The following PACSIN1 variants were observed in gnomAD, a reference collection of about 807,000 sequenced individuals.
PACSIN1 encodes the protein protein kinase C and casein kinase substrate in neurons protein 1.
PACSIN1 carries 15 observed loss-of-function variants against 59.5 expected under a neutral mutation model. That is an observed-to-expected ratio of 0.25 (90% CI 0.17 to 0.39). The LOEUF is 0.39. Ranked by LOEUF, PACSIN1 falls within the 10% of genes least tolerant of loss-of-function variation. PACSIN1 has a pLI of 1.00. For synonymous variants in PACSIN1, 210 were observed against 220.6 expected (o/e 0.95, Z 0.42); for missense variants, 420 against 580.2 (o/e 0.72, Z 2.84).
At chr6:34,481,222 C>G (rs1419241854) in intron 1 of PACSIN1, among the ~76,000 whole-genome samples, 1 of 151,734 alleles carries the variant, frequency 6.6e-6, no homozygotes, top group Non-Finnish European at 1.5e-5. Flanking sequence ...ATTTTTGTTT[C>G]TTTAGTATCT....
Position 34,526,371 on chromosome 6 carries a change from G to A in PACSIN1, c.63+3G>A, listed in dbSNP as rs1237523882. Reference sequence around the variant, plus strand: ...AGACCACCGACAGCTTCTGGGAGGTGAGGCTCTCATGATCCCCAGGTTCGG... The same window carrying A: ...AGACCACCGACAGCTTCTGGGAGGTAAGGCTCTCATGATCCCCAGGTTCGG... On this transcript the variant is annotated splice_donor_region_variant and intron_variant, in intron 2 of 9. Coordinates refer to ENST00000244458, the MANE Select transcript of PACSIN1 (RefSeq NM_020804.5). The A allele has an allele frequency of 1.9e-6, 3 of 1,611,770 alleles. No homozygotes were observed. The highest frequency in any genetic ancestry group is 1.7e-6 in the Non-Finnish European group (2 of 1,179,434).
intron 1 of PACSIN1, among the ~76,000 whole-genome samples, chr6:34,469,693 T>G (rs1766545469): frequency 6.6e-6 from 1 of 152,168 alleles, no homozygotes; most frequent in Admixed American, 6.5e-5. Context: ...GGTGGCTCTG[T>G]GGTAGCAGCA....
intron 1 of PACSIN1, among the ~76,000 whole-genome samples, chr6:34,470,565 G>C (rs570968875): frequency 5.3e-5 from 8 of 151,914 alleles, no homozygotes; most frequent in Admixed American, 5.2e-4. Flanking sequence ...ACCCAGGCTG[G>C]AGTGAGTGAC....
chr6:34,479,331 G>A (rs1199990538), intron 1 of PACSIN1, among the ~76,000 whole-genome samples: 2 of 152,078 alleles, frequency 1.3e-5, no homozygotes, highest in African/African-American at 2.4e-5. Flanking sequence ...TCCCCCACTG[G>A]AACCCACCAT....
chr6:34,511,238 T>A (rs1293297438), intron 1 of PACSIN1, among the ~76,000 whole-genome samples: 1 of 152,216 alleles, frequency 6.6e-6, no homozygotes, highest in Non-Finnish European at 1.5e-5. Context: ...AGCTTCATTT[T>A]GCAGCTGTGT....
In PACSIN1 at chr6:34,515,156, C is replaced by T. The variant is rs2127266185; in HGVS notation, c.-63-11087C>T. On this transcript the variant is annotated intron_variant, in intron 1 of 9. Coordinates refer to ENST00000244458, the MANE Select transcript of PACSIN1 (RefSeq NM_020804.5). This position sits in a 1 kb window ranked among gnomAD's most constrained non-coding sequence, Gnocchi z 4.4. ...CCTACCAGCGGCACCTGATAGGAGCCAAACAGGCCAGCTGGAGGGGCCGGG... is the reference window on the plus strand; with the variant it reads ...CCTACCAGCGGCACCTGATAGGAGCTAAACAGGCCAGCTGGAGGGGCCGGG... 6.6e-6 allele frequency: 1 copy of T among 152,628 alleles called. No individual in the cohort carries two copies. The highest frequency in any genetic ancestry group is 2.4e-5 in the African/African-American group (1 of 41,590). The allele number at this position is 152,628 out of a possible 1,614,324, so 9.5% of individuals were successfully genotyped here. A position where few individuals can be genotyped will look rare whatever the true frequency, so the allele number is the denominator to read the frequency against.
rs1767327034 is a variant in PACSIN1 at position 34,518,205 on chromosome 6, C to T, written c.-63-8038C>T. On this transcript the variant is annotated intron_variant, in intron 1 of 9. Transcript: ENST00000244458. This position sits in a 1 kb window ranked among gnomAD's most constrained non-coding sequence, Gnocchi z 4.4. The stretch of plus-strand genomic sequence containing the variant: ...CCACTGAAGCGGGAGGGCCACGGCC[C>T]CTTCTTCCTGGTCAGAACTCATCCT... Among the ~76,000 whole-genome samples the T allele has an allele frequency of 6.6e-6, 1 of 152,234 alleles. No homozygotes were observed. The highest frequency in any genetic ancestry group is 2.4e-5 in the African/African-American group (1 of 41,456).
chr6:34,504,305 TTTTTA>T (rs1767075350), intron 1 of PACSIN1, among the ~76,000 whole-genome samples: 1 of 139,300 alleles, frequency 7.2e-6, no homozygotes, highest in African/African-American at 2.7e-5. Context: ...TTTTTTTTTT[TTTTTA>T]AACGGAGTTT....
At chr6:34,482,858 A>AT (rs1159627631) in intron 1 of PACSIN1, among the ~76,000 whole-genome samples, 10 of 149,338 alleles carry the variant, frequency 6.7e-5, no homozygotes, top group East Asian at 2.0e-4. Flanking sequence ...TAATTTTTGT[A>AT]TTTTTTTTAG....
intron 1 of PACSIN1, among the ~76,000 whole-genome samples, chr6:34,492,843 A>C: frequency 6.6e-6 from 1 of 152,252 alleles, no homozygotes; most frequent in East Asian, 1.9e-4. Flanking sequence ...GTGGGTCATG[A>C]AACTACCTAC....
At chr6:34,481,339 C>T (rs540713049) in intron 1 of PACSIN1, among the ~76,000 whole-genome samples, 6 of 152,272 alleles carry the variant, frequency 3.9e-5, no homozygotes, top group African/African-American at 9.6e-5. Flanking sequence ...TGCAAGCCAC[C>T]GCGCCTGGCT....
chr6:34,483,001 C>CTT (rs34111587), intron 1 of PACSIN1, among the ~76,000 whole-genome samples: 5,550 of 111,948 alleles, frequency 0.05, 455 homozygotes, highest in African/African-American at 0.15. Context: ...CCATGTTTAA[C>CTT]TTTTTTTTTT....
intron 1 of PACSIN1, among the ~76,000 whole-genome samples, chr6:34,502,460 C>CTT (rs562155609): frequency 4.2e-4 from 25 of 59,016 alleles, no homozygotes; most frequent in East Asian, 1.3e-3. Flanking sequence ...AAGAAGCCAT[C>CTT]TTTTTTTTTT....
Position 34,527,437 on chromosome 6 carries a change from G to A in PACSIN1, c.169G>A (p.Gly57Arg). 1 of 1,598,202 alleles carries A rather than the reference G, an allele frequency of 6.3e-7. No homozygotes were observed. Among genetic ancestry groups the A allele is most frequent in the Non-Finnish European group, 8.5e-7 (1 of 1,173,918 alleles). ...GCGCGCCAAGATCGAGAAGGCGTACGGGCAGCAGCTCACCGACTGGGCCAA... is the reference window on the plus strand; with the variant it reads ...GCGCGCCAAGATCGAGAAGGCGTACAGGCAGCAGCTCACCGACTGGGCCAA... Reference protein sequence around the residue: ...QERAKIEKAYGQQLTDWAKRW... With the variant: ...QERAKIEKAYRQQLTDWAKRW... Residue 57 changes from glycine to arginine, a missense_variant, in exon 3 of 10, where the codon GGG becomes AGG. Gly to Arg is a moderately radical substitution (Grantham distance 125, BLOSUM62 -2). Coordinates refer to ENST00000244458, the MANE Select transcript of PACSIN1 (RefSeq NM_020804.5).
rs964904849 is a variant in PACSIN1, at chr6:34,521,623, T to A, written c.-63-4620T>A. On this transcript the variant is annotated intron_variant, in intron 1 of 9. Coordinates refer to ENST00000244458, the MANE Select transcript of PACSIN1 (RefSeq NM_020804.5). This position sits in a 1 kb window ranked among gnomAD's most constrained non-coding sequence, Gnocchi z 4.3. The stretch of plus-strand genomic sequence containing the variant: ...CCCAGTCTGCACTTCACAGGCTGCA[T>A]CATCCTCATGGACAAGAAAGGCAAG... Among the ~76,000 whole-genome samples the A allele has an allele frequency of 6.6e-6, 1 of 152,116 alleles. No individual in the cohort carries two copies. The highest frequency in any genetic ancestry group is 1.5e-5 in the Non-Finnish European group (1 of 68,012).
intron 1 of PACSIN1, among the ~76,000 whole-genome samples, chr6:34,508,523 A>T (rs1170194346): frequency 1.3e-5 from 2 of 152,106 alleles, no homozygotes; most frequent in Non-Finnish European, 2.9e-5. Flanking sequence ...TGCCTCTGCC[A>T]TCCAAAGTGC....
At chr6:34,480,237 T>TC (rs1766697102) in intron 1 of PACSIN1, among the ~76,000 whole-genome samples, 1 of 145,216 alleles carries the variant, frequency 6.9e-6, no homozygotes, top group African/African-American at 2.5e-5. Flanking sequence ...CTTTTTTTTT[T>TC]TTTTTGAGAA....
At chr6:34,496,904 AATAGAG>A (rs991820458) in intron 1 of PACSIN1, among the ~76,000 whole-genome samples, 3 of 151,272 alleles carry the variant, frequency 2.0e-5, no homozygotes, top group African/African-American at 7.3e-5. Context: ...TTAAAAAAAA[AATAGAG>A]ATAATGATAT....
chr6:34,491,682 G>T (rs1766879444), intron 1 of PACSIN1, among the ~76,000 whole-genome samples: 1 of 151,820 alleles, frequency 6.6e-6, no homozygotes, highest in African/African-American at 2.4e-5. Flanking sequence ...CGTGATCTCG[G>T]CTCACTGCAA....
Sources: gnomAD v4.1 joint callset for allele counts (sites outside exome capture counted in the v4.1 genomes callset) on GRCh38, gnomAD v4.1.1 for gene constraint, Gnocchi (gnomAD v3.1) non-coding constraint, MANE v1.5 for transcripts, NCBI Gene and HGNC (gene_info 2026-07-23, HGNC 2026-07-21) for gene names.